CHN2: variants seen among roughly 807,000 people sequenced by gnomAD.
CHN2 encodes the protein chimerin 2.
In CHN2, 35 loss-of-function variants were observed where a neutral mutation model predicts 56.3. The ratio of observed to expected loss-of-function variants is 0.62; its 90% CI spans 0.47 to 0.82. The LOEUF (loss-of-function observed/expected upper bound fraction) is 0.82, where lower values mean the gene tolerates loss of function less well. Among genes scored for constraint, CHN2 ranks in the 40% least tolerant of loss-of-function variants. CHN2 has a pLI of 0.00. For missense variants in CHN2, 491 were observed against 580.5 expected, an observed-to-expected ratio of 0.85 and a Z score of 1.58; for synonymous variants, 210 against 212.8, an observed-to-expected ratio of 0.99 and a Z score of 0.12.
intron 1 of CHN2, among the ~76,000 whole-genome samples, chr7:29,306,506 T>C (rs1048433317): frequency 1.3e-5 from 2 of 152,060 alleles, no homozygotes; most frequent in African/African-American, 4.8e-5. Flanking sequence ...TGCTGATTGG[T>C]CAGAAGATGA....
At position 29,504,733 on chromosome 7, in the gene CHN2, C is replaced by G; in HGVS notation, c.914-11C>G. On this transcript the variant is annotated splice_polypyrimidine_tract_variant and intron_variant, in intron 9 of 12. Transcript: ENST00000222792. ...GAAGCTAAAGTCAGTCTCTCTCTCT[C>G]TCTCTAACAGGATTAAAATCGGAAG... is the stretch of plus-strand genomic sequence containing the variant. 1 of 1,565,556 alleles carries G rather than the reference C, an allele frequency of 6.4e-7. No individual in the cohort carries two copies. Among genetic ancestry groups the G allele is most frequent in the Non-Finnish European group, 8.7e-7 (1 of 1,142,886 alleles).
At chr7:29,430,789 CAAAAAAA>C (rs72339566) in intron 6 of CHN2, among the ~76,000 whole-genome samples, 1 of 113,684 alleles carries the variant, frequency 8.8e-6, no homozygotes, top group African/African-American at 3.0e-5. Flanking sequence ...AAGATGATAG[CAAAAAAA>C]AAAAAAAAAA....
intron 6 of CHN2, among the ~76,000 whole-genome samples, chr7:29,456,043 T>A (rs2128133994): frequency 6.6e-6 from 1 of 152,312 alleles, no homozygotes. Flanking sequence ...AATAACTCTA[T>A]CATAATATTG....
At chr7:29,373,401 C>G (rs1799778028) in intron 3 of CHN2, among the ~76,000 whole-genome samples, 1 of 152,022 alleles carries the variant, frequency 6.6e-6, no homozygotes, top group Admixed American at 6.5e-5. Context: ...TCTTGAATTC[C>G]CAACCTCAGG....
At chr7:29,175,476 G>C (rs1797184893) in intron 2 of CHN2, among the ~76,000 whole-genome samples, 1 of 152,040 alleles carries the variant, frequency 6.6e-6, no homozygotes, top group African/African-American at 2.4e-5. Context: ...ATGCCTGGCT[G>C]AGAGCTGATG....
intron 2 of CHN2, among the ~76,000 whole-genome samples, chr7:29,175,200 G>A (rs987040233): frequency 2.0e-5 from 3 of 150,834 alleles, no homozygotes; most frequent in Non-Finnish European, 4.4e-5. Context: ...TTTGAGACGG[G>A]GCCTCTCTCT....
chr7:29,508,170 A>G lies in CHN2; in HGVS notation c.1129+805A>G, dbSNP rs553598372. Among the ~76,000 whole-genome samples, 14 of 152,288 alleles carry G rather than the reference A, an allele frequency of 9.2e-5. No homozygotes were observed. The East Asian group carries it at 2.3e-3, about 25-fold the overall frequency. On this transcript the variant is annotated intron_variant, in intron 11 of 12. Coordinates refer to ENST00000222792, the MANE Select transcript of CHN2 (RefSeq NM_004067.4). ...CTTGGAGAGCTGAGCTCATGCGTCC[A>G]GGAATGGGACATCAGGATTTGCTTT...
chr7:29,339,080 A>G (rs1344919167), intron 1 of CHN2, among the ~76,000 whole-genome samples: 1 of 152,310 alleles, frequency 6.6e-6, no homozygotes, highest in East Asian at 1.9e-4. Flanking sequence ...CCTCAATTAC[A>G]TTCTGGAAAA....
chr7:29,216,321 T>G (rs913647538), intron 1 of CHN2, among the ~76,000 whole-genome samples: 1 of 152,178 alleles, frequency 6.6e-6, no homozygotes, highest in Non-Finnish European at 1.5e-5. Flanking sequence ...CCACCAGGAT[T>G]GAAGACTGCA....
At chr7:29,324,051 G>T (rs1795599104) in intron 1 of CHN2, among the ~76,000 whole-genome samples, 1 of 151,708 alleles carries the variant, frequency 6.6e-6, no homozygotes, top group African/African-American at 2.4e-5. Flanking sequence ...GTTATAGGGG[G>T]TTGAAGCTGT....
intron 3 of CHN2, among the ~76,000 whole-genome samples, chr7:29,384,277 G>A (rs1176929003): frequency 6.6e-6 from 1 of 152,174 alleles, no homozygotes; most frequent in Non-Finnish European, 1.5e-5. Context: ...TGTTATCCTT[G>A]AGCAATTTCC....
At chr7:29,176,532 C>G (rs1797367457) in intron 2 of CHN2, among the ~76,000 whole-genome samples, 1 of 151,802 alleles carries the variant, frequency 6.6e-6, no homozygotes, top group Non-Finnish European at 1.5e-5. Context: ...AACTTTGATT[C>G]CAAAGGAAAG....
At chr7:29,486,972 A>G (rs1288911329) in intron 7 of CHN2, among the ~76,000 whole-genome samples, 1 of 152,174 alleles carries the variant, frequency 6.6e-6, no homozygotes, top group African/African-American at 2.4e-5. Context: ...TGCTTCCCGC[A>G]TGCAAGCCCC....
chr7:29,505,309 C>CTCAT (rs1790445701), intron 10 of CHN2, among the ~76,000 whole-genome samples: 3 of 152,202 alleles, frequency 2.0e-5, no homozygotes, highest in Admixed American at 1.3e-4. Flanking sequence ...AACTTGAAGA[C>CTCAT]TCATTCAGAA....
At chr7:29,305,651 G>A (rs1794080733) in intron 1 of CHN2, among the ~76,000 whole-genome samples, 1 of 152,168 alleles carries the variant, frequency 6.6e-6, no homozygotes, top group Admixed American at 6.5e-5. Context: ...TGAAAAGCCT[G>A]ATAAAGTTTA....
At chr7:29,297,409 G>C (rs1793260109) in intron 1 of CHN2, among the ~76,000 whole-genome samples, 1 of 150,198 alleles carries the variant, frequency 6.7e-6, no homozygotes, top group Non-Finnish European at 1.5e-5. Context: ...AGGGGGCGCT[G>C]TTTTGGGGAA....
At chr7:29,323,450 GT>G (rs1417318593) in intron 1 of CHN2, among the ~76,000 whole-genome samples, 6 of 152,244 alleles carry the variant, frequency 3.9e-5, no homozygotes, top group African/African-American at 1.2e-4. Flanking sequence ...AGATTACAGA[GT>G]TTTTGGTAGC....
At chr7:29,254,776 G>A (rs1788938330) in intron 1 of CHN2, among the ~76,000 whole-genome samples, 2 of 152,296 alleles carry the variant, frequency 1.3e-5, no homozygotes, top group East Asian at 1.9e-4. Flanking sequence ...CCTTTCAAAT[G>A]TCATGTAAAT....
chr7:29,483,839 C>G (rs748804977), intron 7 of CHN2: 7 of 1,280,250 alleles, frequency 5.5e-6, no homozygotes, highest in Admixed American at 5.0e-5. Flanking sequence ...AGCTTTAGCC[C>G]GCATAGTACT....
Sources: allele counts gnomAD v4.1 joint callset (sites outside exome capture counted in the v4.1 genomes callset), GRCh38; gene constraint gnomAD v4.1.1; transcripts MANE v1.5; gene names NCBI Gene and HGNC (gene_info 2026-07-23, HGNC 2026-07-21).